The following ASCC3 variants were observed in gnomAD, a reference collection of about 807,000 sequenced individuals.
ASCC3 encodes the protein activating signal cointegrator 1 complex subunit 3, also known as ASC-1 complex subunit P200.
A neutral mutation model predicts 256.3 loss-of-function variants in ASCC3; 158 were observed. The ratio of observed to expected loss-of-function variants is 0.62; its 90% CI spans 0.54 to 0.70. ASCC3 has a LOEUF of 0.70. ASCC3 is among the 30% of genes least tolerant of loss of function. The pLI is 0.00. For missense variants in ASCC3, 2,259 were observed against 2,626.0 expected (o/e 0.86, Z 3.05); for synonymous variants, 948 against 883.4 (o/e 1.07, Z -1.30).
chr6:100,581,801 T>A (rs535554245), intron 36 of ASCC3, among the ~76,000 whole-genome samples: 58 of 151,202 alleles, frequency 3.8e-4, no homozygotes, highest in Non-Finnish European at 6.4e-4. Context: ...TTTCTACATA[T>A]GGCTAGCCAG....
chr6:100,552,103 T>A (rs1304248893), intron 36 of ASCC3, among the ~76,000 whole-genome samples: 3 of 151,794 alleles, frequency 2.0e-5, no homozygotes, highest in Non-Finnish European at 4.4e-5. Context: ...TATAAACCAC[T>A]TAAACATGGT....
intron 14 of ASCC3, among the ~76,000 whole-genome samples, chr6:100,672,081 C>T (rs1776779522): frequency 6.6e-6 from 1 of 152,040 alleles, no homozygotes; most frequent in African/African-American, 2.4e-5. Context: ...TTCAGATCAG[C>T]TTAAATGTCA....
At chr6:100,617,256 C>T (rs1023981699) in intron 30 of ASCC3, among the ~76,000 whole-genome samples, 10 of 152,080 alleles carry the variant, frequency 6.6e-5, no homozygotes, top group South Asian at 6.2e-4. Flanking sequence ...GATCTGCCTG[C>T]CTCGGCCTCC....
chr6:100,650,409 A>C, intron 20 of ASCC3, 129 bp downstream of exon 20: 1 of 902,972 alleles, frequency 1.1e-6, no homozygotes. Flanking sequence ...TAGCAGAAAC[A>C]GTTCTAAGTA....
chr6:100,514,052 T>C (rs765136453), intron 39 of ASCC3, among the ~76,000 whole-genome samples: 1 of 152,092 alleles, frequency 6.6e-6, no homozygotes, highest in Non-Finnish European at 1.5e-5. Flanking sequence ...CTGCTGAGTA[T>C]ACCTAATTGA....
chr6:100,533,299 C>T (rs1003791817), intron 37 of ASCC3, among the ~76,000 whole-genome samples: 3 of 151,930 alleles, frequency 2.0e-5, no homozygotes, highest in Non-Finnish European at 4.4e-5. Context: ...ATACATAAAG[C>T]TTTGAATATA....
At position 100,518,114 on chromosome 6, in the gene ASCC3, C is replaced by A; in HGVS notation, c.5804G>T (p.Gly1935Val). 1.2e-6 allele frequency: 2 copies of A among 1,613,570 alleles called. No homozygotes were observed. The highest frequency in any genetic ancestry group is 1.7e-6 in the Non-Finnish European group (2 of 1,179,676). ...GATATTCAGGACAGTCACCAGCCAG[C>A]CCTGGTTTGCAGCCACGTCCAGCAT... ...QAMLDVAANQGWLVTVLNITN... is the reference protein window; with the variant it reads ...QAMLDVAANQVWLVTVLNITN... Residue 1935 changes from glycine (G) to valine (V), a missense_variant, in exon 38 of 42, where the codon GGC becomes GTC. Around this residue, in one of 2 missense-constraint regions of ASCC3, gnomAD observed 1,839 missense variants for 2,206.7 expected, o/e 0.83. Transcript: ENST00000369162.
At position 100,805,618 on chromosome 6, in the gene ASCC3, TATCTAAA is replaced by T. The variant is rs1770140350; in HGVS notation, c.922+135_922+141del. On this transcript the variant is annotated intron_variant, in intron 5 of 41. Coordinates refer to ENST00000369162, the MANE Select transcript of ASCC3 (RefSeq NM_006828.4). ...ACTTACGTTTTTTCATAATATGCCA[TATCTAAA>T]ATCTATTTAACAGAGTAATATCAGT... is the stretch of plus-strand genomic sequence containing the variant. The T allele has an allele frequency of 2.9e-6, 3 of 1,036,384 alleles. No individual in the cohort carries two copies. In the Admixed American group the frequency reaches 8.1e-5, roughly 28 times the overall value. 64.2% of individuals were successfully genotyped at this position (1,036,384 alleles called of 1,614,324 possible).
At chr6:100,645,927 T>C (rs1775358018) in intron 22 of ASCC3, among the ~76,000 whole-genome samples, 2 of 152,092 alleles carry the variant, frequency 1.3e-5, no homozygotes, top group Non-Finnish European at 1.5e-5. Context: ...ATGGAGAAAG[T>C]AGTCTCAGCA....
chr6:100,531,593 CAT>C (rs1774878254), intron 37 of ASCC3, among the ~76,000 whole-genome samples: 1 of 151,274 alleles, frequency 6.6e-6, no homozygotes, highest in African/African-American at 2.4e-5. Context: ...TGGCAAATGA[CAT>C]GTGTTGTTGA....
At chr6:100,830,038 G>A (rs1047272901) in intron 4 of ASCC3, among the ~76,000 whole-genome samples, 7 of 151,918 alleles carry the variant, frequency 4.6e-5, no homozygotes, top group African/African-American at 1.7e-4. Flanking sequence ...GAGCAAGATG[G>A]TACAAGACTA....
chr6:100,650,560 G>A lies in ASCC3; in HGVS notation c.3230C>T (p.Ser1077Leu). 1 of 1,612,562 alleles carries A rather than the reference G, an allele frequency of 6.2e-7. No individual in the cohort carries two copies. The highest frequency in any genetic ancestry group is 2.2e-5 in the East Asian group (1 of 44,748). The change falls in exon 20 of 42, where the codon TCA (serine) becomes TTA (leucine). Residue 1077 changes from serine to leucine, a missense_variant. Around this residue, in one of 2 missense-constraint regions of ASCC3, gnomAD observed 1,839 missense variants for 2,206.7 expected, o/e 0.83. Coordinates refer to ENST00000369162, the MANE Select transcript of ASCC3 (RefSeq NM_006828.4). ...TACCTGTGCAACATATGCAGAATCT[G>A]ATATAAGGGAGAAACTGTCCATTTC... The part of the protein sequence containing the change: ...RGEMDSFSLI[S>L]DSAYVAQNAA...
Position 100,869,265 on chromosome 6 carries a change from A to G in ASCC3, c.-41-1227T>C, listed in dbSNP as rs17061206. ...AAGAATTATCTACACCAAAATGTCC[A>G]ACGTGGGAAGGAAAGAACTGGGAAA... On this transcript the variant is annotated intron_variant, in intron 1 of 41. Coordinates refer to ENST00000369162, the MANE Select transcript of ASCC3 (RefSeq NM_006828.4). Among the ~76,000 whole-genome samples, 1,881 of 152,322 alleles carry G rather than the reference A, an allele frequency of 0.012. 93 individuals carry two copies. In the East Asian group the frequency reaches 0.14, roughly 12 times the overall value.
chr6:100,542,490 G>T (rs1311618237), intron 36 of ASCC3, among the ~76,000 whole-genome samples: 1 of 152,068 alleles, frequency 6.6e-6, no homozygotes, highest in African/African-American at 2.4e-5. Context: ...AGACCATCCT[G>T]GCCAACATGG....
At chr6:100,631,970 C>A (rs553033765) in intron 25 of ASCC3, among the ~76,000 whole-genome samples, 1 of 151,834 alleles carries the variant, frequency 6.6e-6, no homozygotes, top group Non-Finnish European at 1.5e-5. Flanking sequence ...TTCCTGAAAT[C>A]ATAAATGATG....
chr6:100,571,155 C>T (rs575810726), intron 36 of ASCC3, among the ~76,000 whole-genome samples: 35 of 152,272 alleles, frequency 2.3e-4, no homozygotes, highest in Non-Finnish European at 4.1e-4. Context: ...GTGTACACTC[C>T]ACTTCAAGCA....
intron 13 of ASCC3, among the ~76,000 whole-genome samples, chr6:100,681,725 CAAAAA>C (rs10696130): frequency 6.1e-4 from 36 of 58,660 alleles, no homozygotes; most frequent in Admixed American, 8.1e-4. Flanking sequence ...GACTCCGTCT[CAAAAA>C]AAAAAAAAAA....
intron 4 of ASCC3, among the ~76,000 whole-genome samples, chr6:100,814,239 C>T (rs1336085628): frequency 1.3e-5 from 2 of 152,044 alleles, no homozygotes; most frequent in Admixed American, 6.6e-5. Context: ...TGATGAATTA[C>T]GTTTATTGAT....
chr6:100,610,855 T>G (rs1314414258), intron 30 of ASCC3, among the ~76,000 whole-genome samples: 1 of 152,154 alleles, frequency 6.6e-6, no homozygotes, highest in East Asian at 1.9e-4. Flanking sequence ...TTATTCTCCA[T>G]TTTTTGTTCA....
Sources: allele counts gnomAD v4.1 joint callset (sites outside exome capture counted in the v4.1 genomes callset), GRCh38; gene constraint gnomAD v4.1.1; regional missense constraint gnomAD v4.1.1; transcripts MANE v1.5; gene names NCBI Gene and HGNC (gene_info 2026-07-23, HGNC 2026-07-21).